The following DDR2 variants were observed in gnomAD, a reference collection of about 807,000 sequenced individuals.
DDR2 encodes the protein discoidin domain-containing receptor 2.
In DDR2, 27 loss-of-function variants were observed where a neutral mutation model predicts 94.9. The observed-to-expected ratio is 0.28, with a 90% CI of 0.21 to 0.39. DDR2 has a LOEUF of 0.39. DDR2 is among the 10% of genes least tolerant of loss of function. The pLI is 1.00. For synonymous variants in DDR2, 382 were observed against 377.2 expected (o/e 1.01, Z -0.15); for missense variants, 783 against 1,076.0 (o/e 0.73, Z 3.81).
intron 11 of DDR2, among the ~76,000 whole-genome samples, chr1:162,768,071 T>G (rs1664091369): frequency 6.6e-6 from 1 of 152,232 alleles, no homozygotes; most frequent in African/African-American, 2.4e-5. Context: ...ATTGTTATGT[T>G]TAACTATTTT....
intron 10 of DDR2, 32 bp downstream of exon 10, chr1:162,766,095 T>C (rs1663976254): frequency 6.2e-7 from 1 of 1,608,984 alleles, no homozygotes; most frequent in Non-Finnish European, 8.5e-7. Flanking sequence ...ACAAATTAAT[T>C]TGAAGGGACT....
chr1:162,725,351 A>T (rs1179260668), intron 3 of DDR2, among the ~76,000 whole-genome samples: 1 of 151,928 alleles, frequency 6.6e-6, no homozygotes, highest in Non-Finnish European at 1.5e-5. Flanking sequence ...AATTTCCAAC[A>T]ATGTATCAGT....
rs554931210 is a variant in DDR2 at position 162,698,726 on chromosome 1, G to A, written c.-27-20311G>A. Among the ~76,000 whole-genome samples the A allele has an allele frequency of 6.6e-5, 10 of 152,282 alleles. No homozygotes were observed. In the East Asian group the frequency reaches 1.5e-3, roughly 24 times the overall value. On this transcript the variant is annotated intron_variant, in intron 2 of 17. Transcript: ENST00000367921. Reference sequence around the variant, plus strand: ...TCTACCAACAGAAGCTGGCCAGTGGGAGGCTTGTAGGCACTTTGTAATTTA... The same window carrying A: ...TCTACCAACAGAAGCTGGCCAGTGGAAGGCTTGTAGGCACTTTGTAATTTA...
At chr1:162,735,848 C>T (rs761521647) in intron 3 of DDR2, among the ~76,000 whole-genome samples, 4 of 152,192 alleles carry the variant, frequency 2.6e-5, no homozygotes, top group South Asian at 2.1e-4. Context: ...ATGAGCAGTA[C>T]GTTAGAAGGA....
At chr1:162,714,788 T>C (rs1029325146) in intron 2 of DDR2, among the ~76,000 whole-genome samples, 3 of 152,218 alleles carry the variant, frequency 2.0e-5, no homozygotes, top group Non-Finnish European at 4.4e-5. Context: ...TTTTTACTGA[T>C]GTGCTTATCA....
intron 3 of DDR2, among the ~76,000 whole-genome samples, chr1:162,729,786 C>T (rs1394972003): frequency 2.0e-5 from 3 of 151,486 alleles, no homozygotes; most frequent in African/African-American, 7.3e-5. Context: ...TCTTATTACC[C>T]AGGCTGGAGT....
At chr1:162,739,262 G>GA (rs1299616163) in intron 3 of DDR2, among the ~76,000 whole-genome samples, 1 of 150,124 alleles carries the variant, frequency 6.7e-6, no homozygotes, top group African/African-American at 2.4e-5. Flanking sequence ...AAATTTACAA[G>GA]AAAAAAACAA....
intron 3 of DDR2, among the ~76,000 whole-genome samples, chr1:162,742,543 C>G (rs940492558): frequency 1.3e-5 from 2 of 152,254 alleles, no homozygotes; most frequent in Non-Finnish European, 2.9e-5. Context: ...TCACTTATCA[C>G]CAAGGGCATG....
At position 162,770,504 on chromosome 1, in the gene DDR2, A is replaced by C; in HGVS notation, c.1496A>C (p.Glu499Ala). The C allele has an allele frequency of 6.2e-7, 1 of 1,614,066 alleles. No individual in the cohort carries two copies. The highest frequency in any genetic ancestry group is 8.5e-7 in the Non-Finnish European group (1 of 1,180,006). ...RKLPEFAPGEEESGCSGVVKP... is the reference protein window; with the variant it reads ...RKLPEFAPGEAESGCSGVVKP... ...CTCCCAGAATTTGCTCCAGGGGAGG[A>C]GGAGTCAGGTGAGGATGATGTGGTG... The change falls in exon 12 of 18, where the codon GAG becomes GCG. Residue 499 changes from glutamate (E) to alanine (A), a missense_variant. Physicochemically the swap from Glu to Ala is moderately radical, Grantham distance 107. Coordinates refer to ENST00000367921, the MANE Select transcript of DDR2 (RefSeq NM_006182.4).
At chr1:162,728,602 C>A (rs1661840594) in intron 3 of DDR2, among the ~76,000 whole-genome samples, 1 of 152,160 alleles carries the variant, frequency 6.6e-6, no homozygotes. Flanking sequence ...CTATGCCATG[C>A]TGTCTTTCCC....
At chr1:162,760,385 CA>C (rs1440939126) in intron 8 of DDR2, among the ~76,000 whole-genome samples, 1 of 111,520 alleles carries the variant, frequency 9.0e-6, no homozygotes, top group Non-Finnish European at 2.0e-5. Context: ...TGTGTGTATA[CA>C]CACACAACTA....
chr1:162,739,411 A>G (rs1271597607), intron 3 of DDR2, among the ~76,000 whole-genome samples: 4 of 152,038 alleles, frequency 2.6e-5, no homozygotes, highest in Admixed American at 1.3e-4. Flanking sequence ...GATTCAAGCA[A>G]TTTTCCTGCT....
intron 2 of DDR2, among the ~76,000 whole-genome samples, chr1:162,705,941 C>T (rs1416241086): frequency 2.0e-5 from 3 of 152,194 alleles, no homozygotes; most frequent in African/African-American, 7.2e-5. Flanking sequence ...TATTCTTGCC[C>T]TTCAGGGACT....
intron 2 of DDR2, among the ~76,000 whole-genome samples, chr1:162,679,701 C>T (rs1008167700): frequency 6.6e-6 from 1 of 152,074 alleles, no homozygotes; most frequent in East Asian, 1.9e-4. Flanking sequence ...CCTTTTAGTT[C>T]TTTGAGGAAT....
chr1:162,704,172 G>A (rs1356610067), intron 2 of DDR2, among the ~76,000 whole-genome samples: 1 of 152,134 alleles, frequency 6.6e-6, no homozygotes, highest in African/African-American at 2.4e-5. Flanking sequence ...TTTCTATTCT[G>A]GCAGAGGTAC....
chr1:162,748,577 T>G (rs1470204395), intron 3 of DDR2, among the ~76,000 whole-genome samples: 1 of 152,196 alleles, frequency 6.6e-6, no homozygotes, highest in Admixed American at 6.5e-5. Flanking sequence ...CACCCCACTG[T>G]CAACATTAGA....
chr1:162,658,803 G>T (rs2101915709), intron 2 of DDR2, among the ~76,000 whole-genome samples: 1 of 54,896 alleles, frequency 1.8e-5, no homozygotes, highest in South Asian at 5.0e-4. Flanking sequence ...CTCCAGCCTG[G>T]GTGACAGAAT....
At chr1:162,723,763 G>A (rs1401252373) in intron 3 of DDR2, among the ~76,000 whole-genome samples, 1 of 152,296 alleles carries the variant, frequency 6.6e-6, no homozygotes, top group Non-Finnish European at 1.5e-5. Flanking sequence ...TAAAGCTGAG[G>A]CAGGGCAGTG....
intron 2 of DDR2, among the ~76,000 whole-genome samples, chr1:162,684,517 T>C (rs1038133076): frequency 6.2e-4 from 94 of 152,252 alleles, no homozygotes; most frequent in African/African-American, 2.1e-3. Flanking sequence ...GCATGAAGAA[T>C]GGGACTCATT....
Sources: allele counts gnomAD v4.1 joint callset (sites outside exome capture counted in the v4.1 genomes callset), GRCh38; gene constraint gnomAD v4.1.1; transcripts MANE v1.5; gene names NCBI Gene and HGNC (gene_info 2026-07-23, HGNC 2026-07-21).